ZSCAN30: variants seen among roughly 807,000 people sequenced by gnomAD.
ZSCAN30 encodes zinc finger and SCAN domain containing 30, also known as zinc finger and SCAN domain-containing protein 30.
ZSCAN30 carries 37 observed loss-of-function variants against 44.3 expected under a neutral mutation model. The observed-to-expected ratio is 0.84, with a 90% confidence interval of 0.64 to 1.10. ZSCAN30 has a LOEUF of 1.10. Among genes scored for constraint, ZSCAN30 ranks in the 50% least tolerant of loss-of-function variants. The pLI is 0.00. For missense variants in ZSCAN30, 549 were observed against 582.6 expected (o/e 0.94, Z 0.59); for synonymous variants, 181 against 204.6 (o/e 0.88, Z 0.98).
chr18:35,276,776 T>C (rs1469590519), intron 1 of ZSCAN30, among the ~76,000 whole-genome samples: 1 of 152,176 alleles, frequency 6.6e-6, no homozygotes, highest in Non-Finnish European at 1.5e-5. Context: ...AATGTGGGGA[T>C]GGAGTCCCCA....
intron 1 of ZSCAN30, among the ~76,000 whole-genome samples, chr18:35,276,202 A>G (rs1598646353): frequency 2.6e-5 from 4 of 152,184 alleles, no homozygotes. Flanking sequence ...TGGGGAGGGG[A>G]AGAGTTTGTG....
At chr18:35,287,525 A>G (rs932706801) in intron 1 of ZSCAN30, among the ~76,000 whole-genome samples, 12 of 151,440 alleles carry the variant, frequency 7.9e-5, no homozygotes, top group Admixed American at 2.0e-4. Flanking sequence ...AGCTTAAAGG[A>G]AACTCAGAGG....
intron 1 of ZSCAN30, among the ~76,000 whole-genome samples, chr18:35,278,421 T>C (rs777023771): frequency 1.3e-5 from 2 of 152,224 alleles, no homozygotes; most frequent in Non-Finnish European, 2.9e-5. Flanking sequence ...GGTGATAGCA[T>C]TGTCAAAATC....
Position 35,264,056 on chromosome 18 carries a change from G to T in ZSCAN30, c.297C>A (p.Ile99=). 1 of 1,614,074 alleles carries T rather than the reference G, an allele frequency of 6.2e-7. No individual in the cohort carries two copies. Among genetic ancestry groups the T allele is most frequent in the Non-Finnish European group, 8.5e-7 (1 of 1,179,940 alleles). ...GCCAAGCTTGCAGCTCCTCAGGAAG[G>T]ATGGCCAGGAACTGCTCCAACATCA... ...ELLMLEQFLA[I]LPEELQAWLR... is the part of the protein sequence containing the mutation. The change falls in exon 2 of 4, where the codon ATC becomes ATA. Residue 99 remains isoleucine (I), a synonymous_variant. Transcript: ENST00000333206.
At chr18:35,288,989 A>G (rs890053301) in intron 1 of ZSCAN30, among the ~76,000 whole-genome samples, 2 of 151,170 alleles carry the variant, frequency 1.3e-5, no homozygotes, top group African/African-American at 4.9e-5. Context: ...TTGTTTTGAG[A>G]CAAAGTCTCG....
At chr18:35,261,655 CTTA>C (rs1189794965) in intron 3 of ZSCAN30, 2 of 152,170 alleles carry the variant, frequency 1.3e-5, no homozygotes, top group African/African-American at 4.8e-5. Flanking sequence ...CTCTGGTTGT[CTTA>C]TTGTTGTTCA....
chr18:35,273,496 CTATCAT>C (rs2044319707), intron 1 of ZSCAN30, among the ~76,000 whole-genome samples: 1 of 152,208 alleles, frequency 6.6e-6, no homozygotes, highest in South Asian at 2.1e-4. Flanking sequence ...AATAATGCTA[CTATCAT>C]TATAACAGTA....
chr18:35,264,295 G>A lies in ZSCAN30; in HGVS notation c.58C>T (p.Leu20=), dbSNP rs1273723247. The change falls in exon 2 of 4, where the codon CTA becomes TTA. Residue 20 remains leucine (L), a synonymous_variant. Transcript: ENST00000333206. ...TTTTCTTCTTCAACCTTGACAACTA[G>A]AAGTCCTTCCTGTTCTTCTGGAGCA... ...YHAPEEQEGL[L]VVKVEEENYV... The A allele has an allele frequency of 6.2e-7, 1 of 1,614,130 alleles. No individual in the cohort carries two copies.
rs1381752226 is a variant in ZSCAN30 at position 35,251,685 on chromosome 18, ACT to A, written c.*1763_*1764del. ...GATAAGTGCCTAGCATTTCCCCTGC[ACT>A]CTCTCTTGCCACCTTGTGAAGAAGG... On this transcript the variant is annotated 3_prime_UTR_variant, in exon 4 of 4. Coordinates refer to ENST00000333206, the MANE Select transcript of ZSCAN30 (RefSeq NM_001112734.4). 1 of 151,256 alleles carries A rather than the reference ACT, an allele frequency of 6.6e-6. No individual in the cohort carries two copies. Among genetic ancestry groups the A allele is most frequent in the African/African-American group, 2.4e-5 (1 of 41,088 alleles). 9.4% of individuals were successfully genotyped at this position (151,256 alleles called of 1,614,324 possible). A position where few individuals can be genotyped will look rare whatever the true frequency, so the allele number is the denominator to read the frequency against.
chr18:35,289,444 C>A (rs1446014195), intron 1 of ZSCAN30: 3 of 152,170 alleles, frequency 2.0e-5, no homozygotes, highest in African/African-American at 2.4e-5. Context: ...TCTTCCTCCA[C>A]CTCAACTACC....
At chr18:35,279,496 G>T (rs1569082675) in intron 1 of ZSCAN30, among the ~76,000 whole-genome samples, 1 of 152,148 alleles carries the variant, frequency 6.6e-6, no homozygotes, top group Non-Finnish European at 1.5e-5. Context: ...TATCTGCAAG[G>T]GCCCTGTCTT....
intron 1 of ZSCAN30, among the ~76,000 whole-genome samples, chr18:35,275,441 T>G (rs2044352355): frequency 6.6e-6 from 1 of 152,194 alleles, no homozygotes; most frequent in Non-Finnish European, 1.5e-5. Flanking sequence ...CACCCCTCAT[T>G]CTTAAATGAT....
rs747142874 is a variant in ZSCAN30 at position 35,254,278 on chromosome 18, T to G, written c.657A>C (p.Thr219=). 5.0e-6 allele frequency: 8 copies of G among 1,614,176 alleles called. No homozygotes were observed. The Admixed American group carries it at 1.3e-4, about 27-fold the overall frequency. Residue 219 remains threonine, a synonymous_variant, in exon 4 of 4, where the codon ACA becomes ACC. Coordinates refer to ENST00000333206, the MANE Select transcript of ZSCAN30 (RefSeq NM_001112734.4). The part of the protein sequence containing the change: ...MISPGKLPGE[T]HSQRIAEEAL... ...CTTCTTCAGCTATCCGTTGGGAATGTGTTTCTCCAGGAAGTTTTCCCGGCG... is the reference window on the plus strand; with the variant it reads ...CTTCTTCAGCTATCCGTTGGGAATGGGTTTCTCCAGGAAGTTTTCCCGGCG...
chr18:35,263,680 A>C, intron 2 of ZSCAN30, 23 bp from the exon 3 acceptor site: 1 of 1,613,214 alleles, frequency 6.2e-7, no homozygotes, highest in South Asian at 1.1e-5. Context: ...AAGTACCAGC[A>C]CTATCATTCT....
At chr18:35,261,397 A>G (rs2044027341) in intron 3 of ZSCAN30, 1 of 152,148 alleles carries the variant, frequency 6.6e-6, no homozygotes, top group Non-Finnish European at 1.5e-5. Context: ...AAGAATGTCA[A>G]TGGTAGTTTA....
At chr18:35,263,783 C>A (rs1440057524) in intron 2 of ZSCAN30, 126 bp from the exon 3 acceptor site, 2 of 1,375,470 alleles carry the variant, frequency 1.5e-6, no homozygotes, top group Non-Finnish European at 9.9e-7. Flanking sequence ...AAAAACAGGA[C>A]CTTAAGAGCC....
intron 1 of ZSCAN30, among the ~76,000 whole-genome samples, chr18:35,270,672 C>T (rs1044930065): frequency 2.4e-4 from 37 of 152,300 alleles, no homozygotes; most frequent in African/African-American, 8.7e-4. Flanking sequence ...CCTCCCCCTC[C>T]GCGGCTCAAG....
chr18:35,263,471 C>G (rs1182124466), intron 3 of ZSCAN30, 42 bp downstream of exon 3: 14 of 1,610,572 alleles, frequency 8.7e-6, no homozygotes, highest in African/African-American at 1.3e-5. Flanking sequence ...GTTGATAGCT[C>G]TCACCTCCAT....
At chr18:35,269,396 A>G (rs1463036697) in intron 1 of ZSCAN30, 4 of 150,452 alleles carry the variant, frequency 2.7e-5, no homozygotes, top group African/African-American at 4.9e-5. Context: ...CCTCATAAAG[A>G]TCCTTATCTA....
Sources: allele counts gnomAD v4.1 joint callset (sites outside exome capture counted in the v4.1 genomes callset), GRCh38; gene constraint gnomAD v4.1.1; transcripts MANE v1.5; gene names NCBI Gene and HGNC (gene_info 2026-07-23, HGNC 2026-07-21).